Variants in KLHL3 observed in about 807,000 individuals in gnomAD.
The protein encoded by KLHL3 is kelch-like protein 3.
In KLHL3, 19 loss-of-function variants were observed where a neutral mutation model predicts 70.5. The ratio of observed to expected loss-of-function variants is 0.27; its 90% confidence interval spans 0.19 to 0.40. The LOEUF is 0.40. KLHL3 is among the 10% of genes least tolerant of loss of function. KLHL3 has a pLI of 1.00. For synonymous variants in KLHL3, 258 were observed against 290.3 expected (o/e 0.89, Z 1.13); for missense variants, 512 against 771.1 (o/e 0.66, Z 3.98).
intron 2 of KLHL3, among the ~76,000 whole-genome samples, chr5:137,711,663 C>T (rs1192071849): frequency 6.6e-6 from 1 of 152,190 alleles, no homozygotes; most frequent in African/African-American, 2.4e-5. Flanking sequence ...ACTGGCTCTT[C>T]CCCTAACTGG....
intron 4 of KLHL3, chr5:137,692,719 T>G: frequency 2.5e-6 from 1 of 399,890 alleles, no homozygotes; most frequent in Non-Finnish European, 4.7e-6. Context: ...TTCTAATTCA[T>G]TAGGTCTAGG....
intron 10 of KLHL3, 100 bp from the exon 11 acceptor site, chr5:137,637,495 G>A: frequency 1.0e-6 from 1 of 996,860 alleles, no homozygotes. Context: ...GCATGGGCTG[G>A]AAACCTAAAT....
intron 4 of KLHL3, among the ~76,000 whole-genome samples, chr5:137,697,085 T>C (rs923601796): frequency 1.3e-5 from 2 of 152,096 alleles, no homozygotes; most frequent in Non-Finnish European, 2.9e-5. Context: ...AGACAACCTG[T>C]GAGCAACCGC....
intron 14 of KLHL3, among the ~76,000 whole-genome samples, chr5:137,622,404 T>C (rs950583859): frequency 3.3e-5 from 5 of 152,198 alleles, no homozygotes; most frequent in Non-Finnish European, 5.9e-5. Flanking sequence ...CTGTGGTGAC[T>C]CCCATCCCCA....
At chr5:137,660,035 A>C (rs1363408375) in intron 7 of KLHL3, among the ~76,000 whole-genome samples, 1 of 152,064 alleles carries the variant, frequency 6.6e-6, no homozygotes, top group Non-Finnish European at 1.5e-5. Context: ...CCATCCCAGC[A>C]ATTATACTCA....
chr5:137,667,603 G>T (rs1057141276), intron 6 of KLHL3, among the ~76,000 whole-genome samples: 1 of 152,178 alleles, frequency 6.6e-6, no homozygotes, highest in Non-Finnish European at 1.5e-5. Context: ...AGGCAGCCAA[G>T]CTAGGCTGGA....
chr5:137,712,792 TC>T (rs1752819257), intron 2 of KLHL3, among the ~76,000 whole-genome samples: 1 of 152,110 alleles, frequency 6.6e-6, no homozygotes, highest in South Asian at 2.1e-4. Flanking sequence ...CAAACCTCTG[TC>T]CCACCACTCT....
chr5:137,618,565 TGGAAGCTTCAGATCAACAA>T lies in KLHL3; in HGVS notation c.*3514_*3532del, dbSNP rs1446359716. 2 of 152,052 alleles carry T rather than the reference TGGAAGCTTCAGATCAACAA, an allele frequency of 1.3e-5. No homozygotes were observed. The highest frequency in any genetic ancestry group is 1.3e-4 in the Admixed American group (2 of 15,270). The allele number at this position is 152,052 out of a possible 1,614,324, so 9.4% of individuals were successfully genotyped here. On this transcript the variant is annotated 3_prime_UTR_variant, in exon 15 of 15. Coordinates refer to ENST00000309755, the MANE Select transcript of KLHL3 (RefSeq NM_017415.3). ...TCCAGCAGCAAAGGCCTCAAGCTAT[TGGAAGCTTCAGATCAACAA>T]GGAGATAGAAGAGAATAAGGAATGG...
chr5:137,676,637 T>G (rs2149906881), intron 6 of KLHL3, among the ~76,000 whole-genome samples: 1 of 152,300 alleles, frequency 6.6e-6, no homozygotes, highest in Non-Finnish European at 1.5e-5. Flanking sequence ...TACCATGCAT[T>G]TTACATATAT....
At chr5:137,682,335 G>A (rs1277221496) in intron 5 of KLHL3, among the ~76,000 whole-genome samples, 1 of 149,014 alleles carries the variant, frequency 6.7e-6, no homozygotes, top group East Asian at 2.0e-4. Flanking sequence ...ATCCTGAGCA[G>A]TCCACTGGGG....
chr5:137,722,829 G>A (rs1753022020), intron 1 of KLHL3, among the ~76,000 whole-genome samples: 1 of 151,962 alleles, frequency 6.6e-6, no homozygotes, highest in Non-Finnish European at 1.5e-5. Context: ...ACCACAACCG[G>A]CTAATTTTTG....
At chr5:137,677,776 A>T (rs2149907545) in intron 5 of KLHL3, 122 bp from the exon 6 acceptor site, 1 of 532,436 alleles carries the variant, frequency 1.9e-6, no homozygotes, top group South Asian at 3.1e-5. Context: ...CCATGGAGGG[A>T]AAGGGAGTGA....
chr5:137,661,639 T>C lies in KLHL3; in HGVS notation c.753+276A>G, dbSNP rs1751478040. The C allele has an allele frequency of 2.3e-5, 7 of 300,448 alleles. No individual in the cohort carries two copies. The South Asian group carries it at 5.8e-4, about 25-fold the overall frequency. The allele number at this position is 300,448 out of a possible 1,614,324, so 18.6% of individuals were successfully genotyped here. ...AACCCTGCTGGGCTCTACTATAATA[T>C]CTGTTCTATGGAAGAAAAACTGAGG... On this transcript the variant is annotated intron_variant, in intron 7 of 14. Transcript: ENST00000309755.
At chr5:137,723,716 T>G (rs1753039789) in intron 1 of KLHL3, among the ~76,000 whole-genome samples, 1 of 152,204 alleles carries the variant, frequency 6.6e-6, no homozygotes, top group South Asian at 2.1e-4. Context: ...CTCTAATTTC[T>G]TTTTTGAAAA....
Position 137,692,408 on chromosome 5 carries a change from C to T in KLHL3, c.403G>A (p.Val135Ile). The T allele has an allele frequency of 1.2e-6, 2 of 1,614,084 alleles. No individual in the cohort carries two copies. Among genetic ancestry groups the T allele is most frequent in the East Asian group, 2.2e-5 (1 of 44,878 alleles). The change falls in exon 5 of 15, where the codon GTT becomes ATT. Residue 135 changes from valine (V) to isoleucine (I), a missense_variant. Coordinates refer to ENST00000309755, the MANE Select transcript of KLHL3 (RefSeq NM_017415.3). ...PAASLLQLMD[V>I]RQNCCDFLQS... The stretch of plus-strand genomic sequence containing the variant: ...AGGAAGTCACAGCAGTTCTGCCGAA[C>T]ATCCATGAGCTGCAGCAAGCTGGCT...
intron 3 of KLHL3, among the ~76,000 whole-genome samples, chr5:137,704,720 A>C (rs930018251): frequency 6.6e-6 from 1 of 152,198 alleles, no homozygotes; most frequent in African/African-American, 2.4e-5. Context: ...AGCACCACAC[A>C]GTCCTCTGTT....
At chr5:137,647,487 G>C in intron 8 of KLHL3, 1 of 468,944 alleles carries the variant, frequency 2.1e-6, no homozygotes, top group South Asian at 1.5e-5. Context: ...GGAACAATCT[G>C]GGCTCTACAC....
rs904431790 is a variant in KLHL3, at chr5:137,620,594, G to A, written c.*1504C>T. On this transcript the variant is annotated 3_prime_UTR_variant, in exon 15 of 15. Transcript: ENST00000309755. The stretch of plus-strand genomic sequence containing the variant: ...CTGCTTATGCCAGAAATTTCAGCAT[G>A]AGCAATTTGCTAGTTTAGGAACAGC... 3 of 152,238 alleles carry A rather than the reference G, an allele frequency of 2.0e-5. No homozygotes were observed. The highest frequency in any genetic ancestry group is 7.2e-5 in the African/African-American group (3 of 41,448). 9.4% of individuals were successfully genotyped at this position (152,238 alleles called of 1,614,324 possible). A position where few individuals can be genotyped will look rare whatever the true frequency, so the allele number is the denominator to read the frequency against.
In KLHL3 at chr5:137,621,942, C is replaced by T. The variant is rs909206537; in HGVS notation, c.*156G>A. 2.0e-5 allele frequency: 16 copies of T among 784,304 alleles called. No homozygotes were observed. The highest frequency in any genetic ancestry group is 1.0e-4 in the African/African-American group (6 of 59,056). The allele number at this position is 784,304 out of a possible 1,614,324, so 48.6% of individuals were successfully genotyped here. A position where few individuals can be genotyped will look rare whatever the true frequency, so the allele number is the denominator to read the frequency against. ...GGGGTGGGTAATGGTGTCCACACTGCGATGAACAACACCAGTCTGCCAAGT... is the reference window on the plus strand; with the variant it reads ...GGGGTGGGTAATGGTGTCCACACTGTGATGAACAACACCAGTCTGCCAAGT... On this transcript the variant is annotated 3_prime_UTR_variant, in exon 15 of 15. Coordinates refer to ENST00000309755, the MANE Select transcript of KLHL3 (RefSeq NM_017415.3).
Sources: gnomAD v4.1 joint callset for allele counts (sites outside exome capture counted in the v4.1 genomes callset) on GRCh38, gnomAD v4.1.1 for gene constraint, MANE v1.5 for transcripts, NCBI Gene and HGNC (gene_info 2026-07-23, HGNC 2026-07-21) for gene names.